The following NTM variants were observed in gnomAD, a reference collection of about 807,000 sequenced individuals.
NTM encodes IgLON family member 2.
Under a neutral mutation model 42.1 loss-of-function variants are expected in NTM, and 13 were observed. The ratio of observed to expected loss-of-function variants is 0.31; its 90% CI spans 0.20 to 0.49. The LOEUF is 0.49. NTM is among the 20% of genes least tolerant of loss of function. The pLI is 0.99. For synonymous variants in NTM, 187 were observed against 179.2 expected, an observed-to-expected ratio of 1.04 and a Z score of -0.35; for missense variants, 373 against 452.8, an observed-to-expected ratio of 0.82 and a Z score of 1.60.
At chr11:132,024,320 C>T (rs1007879948) in intron 2 of NTM, among the ~76,000 whole-genome samples, 4 of 152,250 alleles carry the variant, frequency 2.6e-5, no homozygotes, top group African/African-American at 9.6e-5. Flanking sequence ...TTGTCCTGGC[C>T]TTCAGTATCT....
chr11:131,633,556 C>CCTCT (rs1248631683), intron 1 of NTM, among the ~76,000 whole-genome samples: 1 of 140,906 alleles, frequency 7.1e-6, no homozygotes, highest in Admixed American at 7.1e-5. Flanking sequence ...TCTATCTCTC[C>CCTCT]CTCTCTCTCT....
At chr11:131,515,259 T>C (rs578113258) in intron 1 of NTM, among the ~76,000 whole-genome samples, 4 of 152,244 alleles carry the variant, frequency 2.6e-5, no homozygotes, top group East Asian at 3.9e-4. Context: ...TCAGAACCAC[T>C]TGGCCTCACC....
At chr11:131,779,875 G>A (rs2087741953) in intron 1 of NTM, among the ~76,000 whole-genome samples, 1 of 152,198 alleles carries the variant, frequency 6.6e-6, no homozygotes. Flanking sequence ...AGGTGATTGG[G>A]ATTAGGAAGA....
At chr11:131,586,753 C>T (rs1044040959) in intron 1 of NTM, among the ~76,000 whole-genome samples, 21 of 152,130 alleles carry the variant, frequency 1.4e-4, no homozygotes, top group African/African-American at 5.1e-4. Flanking sequence ...ACTCTTTTCT[C>T]CTCTTAAGGT....
intron 1 of NTM, among the ~76,000 whole-genome samples, chr11:131,477,792 G>C (rs1953109750): frequency 6.6e-6 from 1 of 151,248 alleles, no homozygotes; most frequent in Non-Finnish European, 1.5e-5. Flanking sequence ...TCTACTCCCT[G>C]CTCTCCATCC....
intron 1 of NTM, among the ~76,000 whole-genome samples, chr11:131,637,611 T>C (rs1008203855): frequency 1.3e-5 from 2 of 151,706 alleles, no homozygotes; most frequent in African/African-American, 4.8e-5. Flanking sequence ...ACTATATATC[T>C]GACCTCCTCA....
chr11:131,666,791 A>G (rs1086214), intron 1 of NTM, among the ~76,000 whole-genome samples: 125,603 of 152,168 alleles, frequency 0.83, 51,963 homozygotes, highest in East Asian at 0.88. Context: ...CTAAAGGCTG[A>G]TGACACACTA....
chr11:131,685,372 A>ATCCATGGGAAGCAGCTGGG (rs58712045), intron 1 of NTM, among the ~76,000 whole-genome samples: 2 of 152,178 alleles, frequency 1.3e-5, no homozygotes, highest in African/African-American at 4.8e-5. Flanking sequence ...AGAGTCGGGC[A>ATCCATGGGAAGCAGCTGGG]GGCAGGCTGA....
At chr11:131,667,644 G>A (rs377418976) in intron 1 of NTM, among the ~76,000 whole-genome samples, 1 of 152,322 alleles carries the variant, frequency 6.6e-6, no homozygotes, top group Non-Finnish European at 1.5e-5. Context: ...ACAGCAGTGA[G>A]CAAGTGTTCA....
chr11:131,978,471 G>GA (rs200526145), intron 2 of NTM, among the ~76,000 whole-genome samples: 113 of 151,868 alleles, frequency 7.4e-4, no homozygotes, highest in Non-Finnish European at 1.4e-3. Flanking sequence ...AAAGTCAGAA[G>GA]AAAAAAAACA....
intron 1 of NTM, among the ~76,000 whole-genome samples, chr11:131,401,461 C>T (rs560326266): frequency 6.6e-6 from 1 of 151,916 alleles, no homozygotes. Flanking sequence ...AACTGTAATA[C>T]CTTCTCTTAA....
intron 1 of NTM, among the ~76,000 whole-genome samples, chr11:131,878,923 A>C (rs2137234325): frequency 6.6e-6 from 1 of 152,150 alleles, no homozygotes; most frequent in South Asian, 2.1e-4. Context: ...ACCTCCCCGG[A>C]GTAACGGCTC....
chr11:131,978,274 T>G (rs2134844260), intron 2 of NTM, among the ~76,000 whole-genome samples: 1 of 152,316 alleles, frequency 6.6e-6, no homozygotes, highest in Non-Finnish European at 1.5e-5. Flanking sequence ...TTTAGAGAAC[T>G]TATGAAAGCT....
At chr11:131,397,735 G>T (rs1591555415) in intron 1 of NTM, among the ~76,000 whole-genome samples, 2 of 152,066 alleles carry the variant, frequency 1.3e-5, no homozygotes, top group South Asian at 2.1e-4. Context: ...CTTCCTGGGG[G>T]TTTTCTATAA....
At chr11:131,615,958 G>T (rs922473880) in intron 1 of NTM, among the ~76,000 whole-genome samples, 2 of 152,240 alleles carry the variant, frequency 1.3e-5, no homozygotes, top group African/African-American at 2.4e-5. Context: ...TCCCAGAGCC[G>T]AATGTAAGAA....
At chr11:131,851,532 C>CGCGTGTGTGT (rs147213224) in intron 1 of NTM, among the ~76,000 whole-genome samples, 53 of 146,804 alleles carry the variant, frequency 3.6e-4, no homozygotes, top group African/African-American at 1.2e-3. Flanking sequence ...GTGAGAATGG[C>CGCGTGTGTGT]GTGTGTGTGT....
At chr11:132,261,985 C>T (rs1394486720) in intron 4 of NTM, among the ~76,000 whole-genome samples, 1 of 152,244 alleles carries the variant, frequency 6.6e-6, no homozygotes, top group African/African-American at 2.4e-5. Context: ...ATAAAGAGCA[C>T]TCCAAGTCTG....
chr11:131,838,471 T>C (rs932933225), intron 1 of NTM, among the ~76,000 whole-genome samples: 4 of 152,164 alleles, frequency 2.6e-5, no homozygotes, highest in Non-Finnish European at 5.9e-5. Flanking sequence ...GTGTTGCAAA[T>C]TGCTAAATCC....
Position 131,385,050 on chromosome 11 carries a change from T to C in NTM, c.82+14162T>C, listed in dbSNP as rs61901878. Among the ~76,000 whole-genome samples, 1,089 of 152,292 alleles carry C rather than the reference T, an allele frequency of 7.2e-3. 6 individuals are homozygous for C. The highest frequency in any genetic ancestry group is 0.012 in the Non-Finnish European group (791 of 68,028). ...AGAAGAAGCAGGAGGTACCCGGGCA[T>C]TGCCCCCTGCAGATGCTCCTGGAGG... On this transcript the variant is annotated intron_variant, in intron 1 of 8. Transcript: ENST00000683400.
Sources: allele counts gnomAD v4.1 joint callset (sites outside exome capture counted in the v4.1 genomes callset), GRCh38; gene constraint gnomAD v4.1.1; transcripts MANE v1.5; gene names NCBI Gene and HGNC (gene_info 2026-07-23, HGNC 2026-07-21).